Variants in CALN1 observed in about 807,000 individuals in gnomAD.
CALN1 encodes calneuron 1.
CALN1 carries 17 observed loss-of-function variants against 30.6 expected under a neutral mutation model. The observed-to-expected ratio is 0.56, with a 90% CI of 0.38 to 0.83. CALN1 has a LOEUF of 0.83. Among genes scored for constraint, CALN1 ranks in the 40% least tolerant of loss-of-function variants. CALN1 has a pLI of 0.00. For synonymous variants in CALN1, 156 were observed against 131.4 expected (o/e 1.19, Z -1.28); for missense variants, 291 against 354.9 (o/e 0.82, Z 1.45).
chr7:72,272,564 C>T (rs1051755307), intron 3 of CALN1, among the ~76,000 whole-genome samples: 3 of 151,002 alleles, frequency 2.0e-5, no homozygotes, highest in Admixed American at 1.3e-4. Context: ...TCTGTCTCCA[C>T]GAAAAAAAAG....
intron 2 of CALN1, among the ~76,000 whole-genome samples, chr7:72,363,730 T>TC: frequency 6.7e-6 from 1 of 148,906 alleles, no homozygotes; most frequent in African/African-American, 2.5e-5. Context: ...AAAACTTTTT[T>TC]TTTTTTTTTT....
Position 71,784,955 on chromosome 7 carries a change from C to G in CALN1, c.*2820G>C, listed in dbSNP as rs1337638003. The G allele has an allele frequency of 2.5e-6, 1 of 398,210 alleles. No individual in the cohort carries two copies. Among genetic ancestry groups the G allele is most frequent in the East Asian group, 3.6e-5 (1 of 28,076 alleles). 24.7% of individuals were successfully genotyped at this position (398,210 alleles called of 1,614,324 possible). On this transcript the variant is annotated 3_prime_UTR_variant, in exon 7 of 7. Transcript: ENST00000395275. ...ACAGGGCTGGGAGTTGGCTGCCTGA[C>G]AAGGAAGGCTTCCCTATACCCAAGA...
intron 2 of CALN1, among the ~76,000 whole-genome samples, chr7:72,401,411 A>C (rs570973651): frequency 6.6e-6 from 1 of 152,316 alleles, no homozygotes; most frequent in South Asian, 2.1e-4. Flanking sequence ...AGCCCACTGC[A>C]CAAAGAAAAT....
chr7:71,933,237 C>T (rs1299371666), intron 5 of CALN1, among the ~76,000 whole-genome samples: 2 of 152,086 alleles, frequency 1.3e-5, no homozygotes, highest in South Asian at 2.1e-4. Context: ...AGTGGGAAAC[C>T]CATTTGCATA....
At chr7:71,946,718 A>C (rs941728556) in intron 5 of CALN1, among the ~76,000 whole-genome samples, 1 of 152,130 alleles carries the variant, frequency 6.6e-6, no homozygotes, top group Admixed American at 6.5e-5. Flanking sequence ...TGAGGCAAGC[A>C]TGAAAAGGCC....
intron 2 of CALN1, among the ~76,000 whole-genome samples, chr7:72,395,886 C>G (rs1169336708): frequency 1.3e-5 from 2 of 152,128 alleles, no homozygotes; most frequent in African/African-American, 4.8e-5. Context: ...GCCCAGTGAT[C>G]AGAATTCCAG....
At chr7:71,907,237 T>TG (rs1794184465) in intron 5 of CALN1, among the ~76,000 whole-genome samples, 1 of 117,772 alleles carries the variant, frequency 8.5e-6, no homozygotes, top group Admixed American at 7.8e-5. Context: ...AAATGAGGTT[T>TG]AAACACACAC....
At chr7:72,409,790 A>C (rs1333146803) in intron 1 of CALN1, among the ~76,000 whole-genome samples, 1 of 152,096 alleles carries the variant, frequency 6.6e-6, no homozygotes, top group African/African-American at 2.4e-5. Context: ...TCGAAGACCC[A>C]ATTCAAAGAA....
chr7:72,172,663 C>T (rs1336970771), intron 3 of CALN1, among the ~76,000 whole-genome samples: 2 of 152,304 alleles, frequency 1.3e-5, no homozygotes, highest in East Asian at 1.9e-4. Flanking sequence ...AGATAATTCA[C>T]TACTTCAACT....
intron 5 of CALN1, among the ~76,000 whole-genome samples, chr7:71,832,127 T>TAA (rs1789325120): frequency 1.3e-5 from 2 of 152,072 alleles, no homozygotes; most frequent in Admixed American, 6.6e-5. Flanking sequence ...TCCTCGTGGC[T>TAA]AAAACACCCC....
At chr7:72,022,180 T>C (rs1800743144) in intron 5 of CALN1, among the ~76,000 whole-genome samples, 1 of 152,222 alleles carries the variant, frequency 6.6e-6, no homozygotes, top group Non-Finnish European at 1.5e-5. Context: ...AATTCTTTTC[T>C]GACCCTTCAA....
chr7:72,026,954 C>T, intron 4 of CALN1, among the ~76,000 whole-genome samples: 1 of 152,154 alleles, frequency 6.6e-6, no homozygotes, highest in Non-Finnish European at 1.5e-5. Context: ...TCTGCTCACC[C>T]CAAATCACCT....
the CALN1 span, among the ~76,000 whole-genome samples, chr7:72,487,769 A>G: frequency 2.6e-3 from 255 of 98,358 alleles, no homozygotes; most frequent in Middle Eastern, 9.7e-3. Context: ...AAGGGTAAAG[A>G]AAGAAAGAAA....
intron 4 of CALN1, among the ~76,000 whole-genome samples, chr7:72,059,789 A>C (rs1803521589): frequency 6.6e-6 from 1 of 152,006 alleles, no homozygotes; most frequent in African/African-American, 2.4e-5. Context: ...TCAATTAACC[A>C]CTTAGGTTGA....
chr7:72,286,901 T>C (rs1022984263), intron 2 of CALN1, among the ~76,000 whole-genome samples: 5 of 152,110 alleles, frequency 3.3e-5, no homozygotes, highest in African/African-American at 1.2e-4. Flanking sequence ...GACACAGGAA[T>C]GCAAATTCAT....
At chr7:72,209,884 G>A (rs1395525624) in intron 3 of CALN1, among the ~76,000 whole-genome samples, 1 of 152,124 alleles carries the variant, frequency 6.6e-6, no homozygotes, top group Admixed American at 6.6e-5. Flanking sequence ...ATCCCACTTG[G>A]TGAAAATTGT....
intron 3 of CALN1, among the ~76,000 whole-genome samples, chr7:72,192,170 A>G (rs1352656127): frequency 6.6e-6 from 1 of 152,088 alleles, no homozygotes; most frequent in Non-Finnish European, 1.5e-5. Context: ...AGTCTAGCCC[A>G]CTACACGTCT....
chr7:72,376,431 T>C (rs1329731941), intron 2 of CALN1, among the ~76,000 whole-genome samples: 1 of 152,198 alleles, frequency 6.6e-6, no homozygotes, highest in South Asian at 2.1e-4. Flanking sequence ...GTTTTGATAT[T>C]ATTGTGGTTT....
chr7:72,229,962 G>C (rs1318703435), intron 3 of CALN1, among the ~76,000 whole-genome samples: 3 of 151,804 alleles, frequency 2.0e-5, no homozygotes, highest in Non-Finnish European at 2.9e-5. Flanking sequence ...CTAACAGGGT[G>C]AAACCCCGTC....
Sources: allele counts gnomAD v4.1 joint callset (sites outside exome capture counted in the v4.1 genomes callset), GRCh38; gene constraint gnomAD v4.1.1; transcripts MANE v1.5; gene names NCBI Gene and HGNC (gene_info 2026-07-23, HGNC 2026-07-21).